Variants in PTH2R observed in about 807,000 individuals in gnomAD.
PTH2R encodes the protein PTH2 receptor.
Under a neutral mutation model 60.3 loss-of-function variants are expected in PTH2R, and 59 were observed. The observed-to-expected ratio is 0.98, with a 90% CI of 0.79 to 1.22. The LOEUF is 1.22. Ranked by LOEUF, PTH2R falls within the 50% of genes most tolerant of loss-of-function variation. The pLI is 0.00. For synonymous variants in PTH2R, 256 were observed against 243.8 expected (o/e 1.05, Z -0.47); for missense variants, 749 against 682.6 (o/e 1.10, Z -1.08).
chr2:208,487,043 A>G (rs1338589295), intron 10 of PTH2R, among the ~76,000 whole-genome samples: 2 of 152,160 alleles, frequency 1.3e-5, no homozygotes, highest in African/African-American at 2.4e-5. Flanking sequence ...GGAAATGTAC[A>G]ACTCTACCTA....
chr2:208,456,628 C>A (rs888276544), intron 8 of PTH2R, among the ~76,000 whole-genome samples: 1 of 152,132 alleles, frequency 6.6e-6, no homozygotes, highest in Non-Finnish European at 1.5e-5. Flanking sequence ...TTCTCTGGAT[C>A]CCTTGGGCAG....
At chr2:208,430,737 G>A (rs1454162562) in intron 2 of PTH2R, among the ~76,000 whole-genome samples, 3 of 151,636 alleles carry the variant, frequency 2.0e-5, no homozygotes, top group Non-Finnish European at 4.4e-5. Context: ...TTTGTTTTTT[G>A]TATTTTTTTA....
chr2:208,468,965 G>T (rs1702818550), intron 9 of PTH2R, among the ~76,000 whole-genome samples: 1 of 152,196 alleles, frequency 6.6e-6, no homozygotes, highest in Non-Finnish European at 1.5e-5. Context: ...AGAGGAAAGA[G>T]GCAAAGTAAG....
chr2:208,365,082 A>AT (rs1369465255), intron 1 of PTH2R, among the ~76,000 whole-genome samples: 1 of 147,308 alleles, frequency 6.8e-6, no homozygotes, highest in African/African-American at 2.5e-5. Flanking sequence ...AATCTTTAGG[A>AT]TTTTCTGCAT....
At chr2:208,464,331 A>G (rs1050704313) in intron 9 of PTH2R, among the ~76,000 whole-genome samples, 2 of 152,226 alleles carry the variant, frequency 1.3e-5, no homozygotes, top group Non-Finnish European at 2.9e-5. Flanking sequence ...TCCTAAGTAC[A>G]TTCTATGATC....
chr2:208,442,723 A>G (rs898148852), intron 5 of PTH2R, among the ~76,000 whole-genome samples: 5 of 152,246 alleles, frequency 3.3e-5, no homozygotes, highest in Admixed American at 1.3e-4. Flanking sequence ...AAAGTAAGAC[A>G]GCATCGAATT....
At chr2:208,364,741 TCTGTAGA>T (rs1196675901) in intron 1 of PTH2R, among the ~76,000 whole-genome samples, 1 of 152,232 alleles carries the variant, frequency 6.6e-6, no homozygotes, top group African/African-American at 2.4e-5. Context: ...TTGAATTGAA[TCTGTAGA>T]CTGTTTTGAG....
chr2:208,432,324 A>G (rs1380720086), intron 2 of PTH2R, among the ~76,000 whole-genome samples: 1 of 152,144 alleles, frequency 6.6e-6, no homozygotes, highest in Non-Finnish European at 1.5e-5. Context: ...CTTAATAGGG[A>G]CGGCAGGCAT....
At chr2:208,468,436 C>T (rs772794579) in intron 9 of PTH2R, among the ~76,000 whole-genome samples, 4 of 152,212 alleles carry the variant, frequency 2.6e-5, no homozygotes, top group Non-Finnish European at 4.4e-5. Context: ...ATCAATGTCC[C>T]TACCCAATGA....
intron 10 of PTH2R, 100 bp from the exon 11 acceptor site, chr2:208,488,912 C>T: frequency 8.2e-7 from 1 of 1,219,852 alleles, no homozygotes; most frequent in Non-Finnish European, 1.1e-6. Flanking sequence ...GTCAGCCCCA[C>T]CCCCATTAGC....
intron 1 of PTH2R, among the ~76,000 whole-genome samples, chr2:208,376,863 T>A (rs1700801797): frequency 6.6e-6 from 1 of 151,850 alleles, no homozygotes; most frequent in South Asian, 2.1e-4. Flanking sequence ...CTTTTTTTTT[T>A]AAGTTAATTA....
intron 7 of PTH2R, among the ~76,000 whole-genome samples, chr2:208,446,271 G>A (rs1559222796): frequency 6.6e-6 from 1 of 152,078 alleles, no homozygotes; most frequent in South Asian, 2.1e-4. Flanking sequence ...TTACAGTTAG[G>A]AGTTTGTCCC....
At chr2:208,435,893 A>C (rs539614976) in intron 2 of PTH2R, among the ~76,000 whole-genome samples, 2 of 152,318 alleles carry the variant, frequency 1.3e-5, no homozygotes, top group South Asian at 4.1e-4. Context: ...GCAATGGAAA[A>C]CTAATACAGC....
intron 6 of PTH2R, 61 bp downstream of exon 6, chr2:208,443,598 T>G (rs1702232196): frequency 7.2e-7 from 1 of 1,380,376 alleles, no homozygotes; most frequent in African/African-American, 1.5e-5. Context: ...ATAAGTACAA[T>G]TTTACAGTCC....
chr2:208,373,168 T>G (rs1326756370), intron 1 of PTH2R, among the ~76,000 whole-genome samples: 1 of 151,996 alleles, frequency 6.6e-6, no homozygotes, highest in Non-Finnish European at 1.5e-5. Flanking sequence ...AGAAGAAAAA[T>G]AAGTAGAGAG....
chr2:208,457,995 T>C (rs938925553), intron 8 of PTH2R, among the ~76,000 whole-genome samples: 4 of 152,334 alleles, frequency 2.6e-5, no homozygotes, highest in Middle Eastern at 3.4e-3. Flanking sequence ...CCACAATCAA[T>C]ACTGGGTTTT....
At chr2:208,412,248 TACC>T (rs1352468759) in intron 1 of PTH2R, among the ~76,000 whole-genome samples, 1 of 152,276 alleles carries the variant, frequency 6.6e-6, no homozygotes, top group East Asian at 1.9e-4. Flanking sequence ...TGATGGATAT[TACC>T]ACTTTACTTT....
intron 1 of PTH2R, among the ~76,000 whole-genome samples, chr2:208,365,818 A>C (rs1700567561): frequency 7.0e-6 from 1 of 142,886 alleles, no homozygotes; most frequent in South Asian, 2.2e-4. Flanking sequence ...AGCTCACTGC[A>C]GCCTCTAACT....
At chr2:208,451,250 G>A (rs537206941) in intron 8 of PTH2R, among the ~76,000 whole-genome samples, 3 of 152,146 alleles carry the variant, frequency 2.0e-5, no homozygotes, top group Middle Eastern at 3.4e-3. Context: ...AAGGTAGCAC[G>A]AAGGGGAACT....
Sources: gnomAD v4.1 joint callset for allele counts (sites outside exome capture counted in the v4.1 genomes callset) on GRCh38, gnomAD v4.1.1 for gene constraint, MANE v1.5 for transcripts, NCBI Gene and HGNC (gene_info 2026-07-23, HGNC 2026-07-21) for gene names.